DHRSX: variants seen among roughly 807,000 people sequenced by gnomAD.
The protein encoded by DHRSX is polyprenol dehydrogenase.
Under a neutral mutation model 34.0 loss-of-function variants are expected in DHRSX, and 31 were observed. The ratio of observed to expected loss-of-function variants is 0.91; its 90% CI spans 0.69 to 1.23. The LOEUF is 1.23. Among genes scored for constraint, DHRSX ranks in the 50% most tolerant of loss-of-function variants. The pLI, the probability that DHRSX is intolerant of heterozygous loss-of-function variation, is 0.00. For missense variants in DHRSX, 414 were observed against 428.1 expected (o/e 0.97, Z 0.29); for synonymous variants, 201 against 183.8 (o/e 1.09, Z -0.76).
Position 2,246,933 on chromosome X carries a change from CA to C in DHRSX, c.597-3704del, listed in dbSNP as rs201783501. Among the ~76,000 whole-genome samples the C allele has an allele frequency of 9.3e-3, 1,420 of 152,098 alleles. 18 individuals are homozygous for C. The highest frequency in any genetic ancestry group is 0.032 in the African/African-American group (1,348 of 41,502). On this transcript the variant is annotated intron_variant, in intron 5 of 6. Transcript: ENST00000334651. ...AAACATAAATGATACCACTGGGGAA[CA>C]GAGACTGATGTTGGTTTTTGTTGTT...
At chrX:2,488,512 T>C in intron 1 of DHRSX, 5 of 1,270,416 alleles carry the variant, frequency 3.9e-6, no homozygotes, top group South Asian at 1.6e-5. Context: ...TTTTCCACCT[T>C]CTAGGTGTCA....
intron 1 of DHRSX, among the ~76,000 whole-genome samples, chrX:2,476,072 T>C (rs2044673643): frequency 1.3e-5 from 2 of 152,132 alleles, no homozygotes; most frequent in African/African-American, 4.8e-5. Flanking sequence ...AGAGCCACGG[T>C]GAGACCAGCA....
At chrX:2,304,065 G>GGGTGGA (rs1569485819) in intron 3 of DHRSX, among the ~76,000 whole-genome samples, 2 of 59,168 alleles carry the variant, frequency 3.4e-5, no homozygotes, top group Non-Finnish European at 7.6e-5. Flanking sequence ...GGATGGATGG[G>GGGTGGA]TGGATGGATG....
At chrX:2,302,973 C>A (rs1348122692) in intron 3 of DHRSX, among the ~76,000 whole-genome samples, 1 of 152,084 alleles carries the variant, frequency 6.6e-6, no homozygotes, top group Non-Finnish European at 1.5e-5. Context: ...ACAGTGTCAT[C>A]TGGATAGAAA....
intron 6 of DHRSX, among the ~76,000 whole-genome samples, chrX:2,228,454 G>A (rs535063258): frequency 4.2e-4 from 11 of 25,936 alleles, no homozygotes; most frequent in African/African-American, 8.7e-4. Context: ...GGAGGGAAGG[G>A]AGGGAGGGAG....
rs370800268 is a variant in DHRSX, at chrX:2,264,541, G to C, written c.596+2199C>G. 2.0e-5 allele frequency among the ~76,000 whole-genome samples: 3 copies of C among 150,636 alleles called. No individual in the cohort carries two copies. In the East Asian group the frequency reaches 6.0e-4, roughly 30 times the overall value. ...ACTGTGCCCAGAGCACCTGTGCTCA[G>C]CAGACGCAGAGAGCACAATGCCCAG... On this transcript the variant is annotated intron_variant, in intron 5 of 6. Transcript: ENST00000334651.
intron 5 of DHRSX, among the ~76,000 whole-genome samples, chrX:2,244,752 A>C (rs35966520): frequency 0.21 from 31,720 of 151,592 alleles, 3,731 homozygotes; most frequent in African/African-American, 0.28. Flanking sequence ...TGCTCTGTCA[A>C]CCCAGCTGGA....
In DHRSX at chrX:2,221,436, C is replaced by T. The variant is rs774821127; in HGVS notation, c.805-207G>A. Among the ~76,000 whole-genome samples the T allele has an allele frequency of 1.2e-4, 19 of 152,246 alleles. No homozygotes were observed. In the South Asian group the frequency reaches 3.7e-3, roughly 30 times the overall value. ...TCTTTACAACAGGCACTGACAATAACGTACCCAAGTGGGTTGCATTTCAGT... is the reference window on the plus strand; with the variant it reads ...TCTTTACAACAGGCACTGACAATAATGTACCCAAGTGGGTTGCATTTCAGT... On this transcript the variant is annotated intron_variant, in intron 6 of 6. Coordinates refer to ENST00000334651, the MANE Select transcript of DHRSX (RefSeq NM_145177.3).
intron 3 of DHRSX, among the ~76,000 whole-genome samples, chrX:2,387,677 C>T (rs2043287199): frequency 6.6e-6 from 1 of 151,708 alleles, no homozygotes; most frequent in African/African-American, 2.4e-5. Flanking sequence ...TTGGCAACAC[C>T]CTCACAGACA....
chrX:2,370,725 C>T (rs1241140664), intron 3 of DHRSX, among the ~76,000 whole-genome samples: 1 of 152,104 alleles, frequency 6.6e-6, no homozygotes, highest in East Asian at 1.9e-4. Flanking sequence ...TCCTCGTCTT[C>T]CTTGACCTGA....
intron 3 of DHRSX, among the ~76,000 whole-genome samples, chrX:2,405,396 G>A (rs2043540120): frequency 2.0e-5 from 3 of 152,106 alleles, no homozygotes; most frequent in African/African-American, 7.2e-5. Flanking sequence ...GCTGAGGCAG[G>A]AGAATCGCTT....
intron 3 of DHRSX, among the ~76,000 whole-genome samples, chrX:2,328,889 T>G (rs145461883): frequency 6.6e-6 from 1 of 151,344 alleles, no homozygotes; most frequent in Non-Finnish European, 1.5e-5. Flanking sequence ...CCCGGAAGAG[T>G]GTTCTGTATG....
intron 1 of DHRSX, among the ~76,000 whole-genome samples, chrX:2,435,634 T>G (rs1479649798): frequency 6.6e-6 from 1 of 152,030 alleles, no homozygotes; most frequent in Admixed American, 6.6e-5. Context: ...GCATGGTGGC[T>G]TGCATGTGTA....
At chrX:2,323,027 G>T (rs145040695) in intron 3 of DHRSX, among the ~76,000 whole-genome samples, 1 of 150,430 alleles carries the variant, frequency 6.6e-6, no homozygotes. Flanking sequence ...AGGTTCAAGC[G>T]ATTCTCCTGC....
intron 2 of DHRSX, among the ~76,000 whole-genome samples, chrX:2,422,092 T>C (rs1775159328): frequency 6.6e-6 from 1 of 152,188 alleles, no homozygotes; most frequent in Admixed American, 6.5e-5. Flanking sequence ...GAAAAGTGTC[T>C]GTCCTGGACA....
At chrX:2,235,450 A>C (rs2015989875) in intron 6 of DHRSX, among the ~76,000 whole-genome samples, 1 of 152,040 alleles carries the variant, frequency 6.6e-6, no homozygotes, top group African/African-American at 2.4e-5. Flanking sequence ...TGAATCAATA[A>C]ATACATAAGC....
chrX:2,401,091 GAAT>G (rs1190858538), intron 3 of DHRSX, among the ~76,000 whole-genome samples: 1 of 144,016 alleles, frequency 6.9e-6, no homozygotes, highest in South Asian at 2.2e-4. Context: ...GCTACTGGAA[GAAT>G]AATATTTGGG....
At chrX:2,295,774 A>G (rs150773671) in intron 3 of DHRSX, among the ~76,000 whole-genome samples, 6,344 of 152,230 alleles carry the variant, frequency 0.042, 420 homozygotes, top group African/African-American at 0.14. Flanking sequence ...CTGCAGTAGA[A>G]TAATAAAAGA....
chrX:2,472,048 G>A (rs1219832949), intron 1 of DHRSX, among the ~76,000 whole-genome samples: 1 of 151,748 alleles, frequency 6.6e-6, no homozygotes, highest in East Asian at 1.9e-4. Flanking sequence ...AGAAGGCTGA[G>A]GCAGGACAAC....
Sources: allele counts gnomAD v4.1 joint callset (sites outside exome capture counted in the v4.1 genomes callset), GRCh38; gene constraint gnomAD v4.1.1; transcripts MANE v1.5; gene names NCBI Gene and HGNC (gene_info 2026-07-23, HGNC 2026-07-21).